The following CAPN14 variants were observed in gnomAD, a reference collection of about 807,000 sequenced individuals.
CAPN14 encodes the protein calpain 14.
CAPN14 carries 94 observed loss-of-function variants against 101.3 expected under a neutral mutation model. The ratio of observed to expected loss-of-function variants is 0.93; its 90% CI spans 0.79 to 1.10. CAPN14 has a LOEUF of 1.10. Ranked by LOEUF, CAPN14 falls within the 50% of genes least tolerant of loss-of-function variation. CAPN14 has a pLI of 0.00. For missense variants in CAPN14, 837 were observed against 828.4 expected (o/e 1.01, Z -0.13); for synonymous variants, 338 against 317.9 (o/e 1.06, Z -0.67).
chr2:31,175,549 C>T (rs938283814), intron 21 of CAPN14, among the ~76,000 whole-genome samples: 9 of 152,172 alleles, frequency 5.9e-5, no homozygotes, highest in Admixed American at 5.2e-4. Flanking sequence ...CTGAGCCAGC[C>T]ACTGTGGAAG....
intron 20 of CAPN14, 111 bp downstream of exon 20, chr2:31,176,915 T>C: frequency 1.2e-6 from 1 of 808,118 alleles, no homozygotes; most frequent in Non-Finnish European, 2.0e-6. Context: ...TTCCCTGGTC[T>C]GCTGTTTCTG....
chr2:31,201,141 G>A (rs945410742), intron 5 of CAPN14, among the ~76,000 whole-genome samples: 11 of 149,058 alleles, frequency 7.4e-5, no homozygotes, highest in Non-Finnish European at 1.2e-4. Context: ...ATGTGTGGAC[G>A]TGTGTGTGTG....
In CAPN14 at chr2:31,187,812, C is replaced by G. The variant is rs745403513; in HGVS notation, c.1533G>C (p.Glu511Asp). 6 of 1,550,328 alleles carry G rather than the reference C, an allele frequency of 3.9e-6. No individual in the cohort carries two copies. Among genetic ancestry groups the G allele is most frequent in the South Asian group, 3.6e-5 (3 of 84,010 alleles). The change falls in exon 15 of 22, where the codon GAG (glutamate) becomes GAC (aspartate). Residue 511 changes from glutamate (E) to aspartate (D), a missense_variant and splice_region_variant. By Grantham distance (45) the Glu-to-Asp change is conservative. Transcript: ENST00000403897. ...GSNSGVVFSK[E>D]IEDQNERQDE... is the part of the protein sequence containing the mutation. ...CCTGCCTTTCATTTTGGTCTTCTATCTCCTATAGGAAGAGACACACAGAAA... is the reference window on the plus strand; with the variant it reads ...CCTGCCTTTCATTTTGGTCTTCTATGTCCTATAGGAAGAGACACACAGAAA...
intron 9 of CAPN14, 36 bp downstream of exon 9, chr2:31,194,372 AG>A (rs1397519272): frequency 3.6e-5 from 54 of 1,486,652 alleles, no homozygotes; most frequent in Non-Finnish European, 5.0e-5. Flanking sequence ...TTTCAAATGT[AG>A]GCCAGGACAT....
Position 31,193,217 on chromosome 2 carries a change from T to C in CAPN14, c.1028A>G (p.Glu343Gly), listed in dbSNP as rs1224475848. ...CKLTPGLLSQ[E>G]AAQKWTYTMR... is the part of the protein sequence containing the mutation. ...GGTGTACGTCCACTTCTGGGCCGCCTCCTGGCTCAACAGGCCTGGGGTCAG... is the reference window on the plus strand; with the variant it reads ...GGTGTACGTCCACTTCTGGGCCGCCCCCTGGCTCAACAGGCCTGGGGTCAG... Residue 343 changes from glutamate to glycine, a missense_variant, in exon 10 of 22, where the codon GAG becomes GGG. Coordinates refer to ENST00000403897, the MANE Select transcript of CAPN14 (RefSeq NM_001145122.2). 1.9e-6 allele frequency: 3 copies of C among 1,551,602 alleles called. No individual in the cohort carries two copies. The Admixed American group carries it at 5.9e-5, about 30-fold the overall frequency.
At chr2:31,175,784 ATCATT>A (rs1342295588) in intron 21 of CAPN14, among the ~76,000 whole-genome samples, 1 of 152,192 alleles carries the variant, frequency 6.6e-6, no homozygotes, top group Non-Finnish European at 1.5e-5. Flanking sequence ...CTTTGACTGA[ATCATT>A]TCTAAGTGGC....
At chr2:31,191,340 G>C in intron 12 of CAPN14, 59 bp downstream of exon 12, 1 of 1,497,276 alleles carries the variant, frequency 6.7e-7, no homozygotes, top group East Asian at 2.5e-5. Flanking sequence ...TCCTGTGGAG[G>C]CTTGGCCACA....
intron 19 of CAPN14, among the ~76,000 whole-genome samples, 192 bp from the exon 20 acceptor site, chr2:31,177,334 AC>A (rs59011202): frequency 0.31 from 46,814 of 151,892 alleles, 8,584 homozygotes; most frequent in African/African-American, 0.5. Context: ...CCTACTCTTC[AC>A]CCCTGTCTGT....
chr2:31,212,459 A>G (rs1338475952), intron 1 of CAPN14, among the ~76,000 whole-genome samples: 1 of 152,204 alleles, frequency 6.6e-6, no homozygotes, highest in Non-Finnish European at 1.5e-5. Context: ...TGGCATCATC[A>G]TGATGAACTA....
intron 16 of CAPN14, among the ~76,000 whole-genome samples, chr2:31,183,511 C>T (rs1166081395): frequency 1.3e-5 from 2 of 152,138 alleles, no homozygotes; most frequent in East Asian, 3.9e-4. Context: ...ACAACCCCAT[C>T]AAAAAGTGGG....
At chr2:31,188,447 T>A in intron 13 of CAPN14, 93 bp from the exon 14 acceptor site, 1 of 1,138,714 alleles carries the variant, frequency 8.8e-7, no homozygotes, top group Non-Finnish European at 1.3e-6. Flanking sequence ...TCTTCCACGT[T>A]CCTTCACTGA....
intron 16 of CAPN14, among the ~76,000 whole-genome samples, chr2:31,183,252 A>T (rs1310389784): frequency 2.0e-5 from 3 of 152,170 alleles, no homozygotes; most frequent in Admixed American, 6.5e-5. Context: ...AACCTAGGCA[A>T]TACCATTCAG....
At chr2:31,224,842 T>G (rs888906136) in intron 2 of CAPN14, among the ~76,000 whole-genome samples, 1 of 152,014 alleles carries the variant, frequency 6.6e-6, no homozygotes, top group African/African-American at 2.4e-5. Context: ...TGAGGAGAAC[T>G]ATAAAAAGTT....
At chr2:31,184,581 T>A (rs1680816663) in intron 16 of CAPN14, among the ~76,000 whole-genome samples, 1 of 152,222 alleles carries the variant, frequency 6.6e-6, no homozygotes, top group Admixed American at 6.5e-5. Context: ...TCCCAAATTA[T>A]GTCTCAAAGG....
chr2:31,215,845 AAAG>A (rs1682616101), intron 1 of CAPN14, among the ~76,000 whole-genome samples: 1 of 65,666 alleles, frequency 1.5e-5, no homozygotes, highest in African/African-American at 5.6e-5. Flanking sequence ...ACATCTTAAA[AAAG>A]AAAAAAAAAA....
chr2:31,210,277 AC>A (rs1682324828), intron 1 of CAPN14, among the ~76,000 whole-genome samples: 1 of 151,652 alleles, frequency 6.6e-6, no homozygotes, highest in Non-Finnish European at 1.5e-5. Flanking sequence ...CCCCGTCTGT[AC>A]TAAAAATGCA....
At chr2:31,194,131 C>T (rs1218456259) in intron 9 of CAPN14, among the ~76,000 whole-genome samples, 4 of 152,214 alleles carry the variant, frequency 2.6e-5, no homozygotes, top group Non-Finnish European at 5.9e-5. Context: ...TTTGAATACA[C>T]TGAGCAAGAG....
rs1231076644 is a variant in CAPN14 at position 31,230,657 on chromosome 2, A to AT, written c.-177+3133dup. On this transcript the variant is annotated intron_variant and NMD_transcript_variant, in intron 1 of 21. Transcript: ENST00000398824. This position sits in a 1 kb window ranked among gnomAD's most constrained non-coding sequence, Gnocchi z 4.3. ...ATTCATGTAGCCTCTTGTAAAAGAC[A>AT]TTTTTGTAGCTCTTGCCAAGTTTTT... Among the ~76,000 whole-genome samples, 4 of 152,108 alleles carry AT rather than the reference A, an allele frequency of 2.6e-5. No homozygotes were observed. The highest frequency in any genetic ancestry group is 9.7e-5 in the African/African-American group (4 of 41,398).
intron 1 of CAPN14, among the ~76,000 whole-genome samples, chr2:31,206,196 G>A (rs1682081371): frequency 6.6e-6 from 1 of 151,744 alleles, no homozygotes. Context: ...GGGTGCTGGG[G>A]GCCAGCAGCT....
Sources: gnomAD v4.1 joint callset for allele counts (sites outside exome capture counted in the v4.1 genomes callset) on GRCh38, gnomAD v4.1.1 for gene constraint, Gnocchi (gnomAD v3.1) non-coding constraint, MANE v1.5 for transcripts, NCBI Gene and HGNC (gene_info 2026-07-23, HGNC 2026-07-21) for gene names.